The following ZCWPW2 variants were observed in gnomAD, a reference collection of about 807,000 sequenced individuals.
The protein encoded by ZCWPW2 is zinc finger CW-type and PWWP domain containing 2, also known as zinc finger CW-type PWWP domain protein 2.
In ZCWPW2, 45 loss-of-function variants were observed where a neutral mutation model predicts 46.6. That is an observed-to-expected ratio of 0.96 (90% CI 0.76 to 1.24). ZCWPW2 has a LOEUF of 1.24. Among genes scored for constraint, ZCWPW2 ranks in the 50% most tolerant of loss-of-function variants. The pLI is 0.00. For synonymous variants in ZCWPW2, 152 were observed against 137.1 expected, an observed-to-expected ratio of 1.11 and a Z score of -0.76; for missense variants, 429 against 403.9, an observed-to-expected ratio of 1.06 and a Z score of -0.53.
intron 9 of ZCWPW2, 24 bp downstream of exon 9, chr3:28,521,140 A>T: frequency 6.4e-7 from 1 of 1,574,604 alleles, no homozygotes; most frequent in Non-Finnish European, 8.6e-7. Context: ...TTATTTTCAG[A>T]CCTAAATAAC....
At chr3:28,465,983 A>C (rs1345241260) in intron 4 of ZCWPW2, among the ~76,000 whole-genome samples, 1 of 152,214 alleles carries the variant, frequency 6.6e-6, no homozygotes, top group Admixed American at 6.5e-5. Flanking sequence ...ACACTATGGA[A>C]TACTACGTAG....
chr3:28,432,321 C>T lies in ZCWPW2; in HGVS notation c.333-2789C>T, dbSNP rs145816903. Reference sequence around the variant, plus strand: ...CTGAACTATAACATGTGGGGGCATACGAAAGGTAGAGGGGTACAGGATTTG... The same window carrying T: ...CTGAACTATAACATGTGGGGGCATATGAAAGGTAGAGGGGTACAGGATTTG... On this transcript the variant is annotated intron_variant, in intron 3 of 9. Transcript: ENST00000383768. Among the ~76,000 whole-genome samples the T allele has an allele frequency of 2.0e-3, 306 of 152,178 alleles. 1 individual carries two copies. Among genetic ancestry groups the T allele is most frequent in the Admixed American group, 3.9e-3 (59 of 15,290 alleles).
intron 4 of ZCWPW2, among the ~76,000 whole-genome samples, chr3:28,459,041 G>T (rs1196156581): frequency 6.6e-6 from 1 of 152,064 alleles, no homozygotes; most frequent in Non-Finnish European, 1.5e-5. Flanking sequence ...TCCCAGGCTT[G>T]CTGGTCGTCA....
At position 28,525,382 on chromosome 3, in the gene ZCWPW2, T is replaced by C. The variant is rs1700822008; in HGVS notation, c.*694T>C. On this transcript the variant is annotated 3_prime_UTR_variant, in exon 10 of 10. Coordinates refer to ENST00000383768, the MANE Select transcript of ZCWPW2 (RefSeq NM_001040432.4). ...AGAGAGAAGTTAAACATATTGATTA[T>C]AAGAAATCTAACAATATAGAAAGTA... Among the ~76,000 whole-genome samples, 1 of 152,138 alleles carries C rather than the reference T, an allele frequency of 6.6e-6. No individual in the cohort carries two copies. Among genetic ancestry groups the C allele is most frequent in the South Asian group, 2.1e-4 (1 of 4,828 alleles).
intron 1 of ZCWPW2, among the ~76,000 whole-genome samples, chr3:28,366,856 C>A (rs1250160362): frequency 1.3e-5 from 2 of 152,138 alleles, no homozygotes; most frequent in African/African-American, 2.4e-5. Context: ...TCAACTTCTT[C>A]CTGATTTAGT....
intron 3 of ZCWPW2, among the ~76,000 whole-genome samples, chr3:28,424,228 AACACACACACAC>A (rs55725925): frequency 8.6e-5 from 12 of 138,956 alleles, no homozygotes; most frequent in South Asian, 6.9e-4. Flanking sequence ...GTCTTATTCC[AACACACACACAC>A]ACACACACAC....
intron 6 of ZCWPW2, among the ~76,000 whole-genome samples, chr3:28,495,672 CTTTG>C (rs933339648): frequency 1.3e-5 from 2 of 151,538 alleles, no homozygotes; most frequent in African/African-American, 4.8e-5. Context: ...TTTAATATGT[CTTTG>C]TTTTTTATTT....
intron 3 of ZCWPW2, among the ~76,000 whole-genome samples, chr3:28,413,698 A>T (rs1267996384): frequency 6.6e-6 from 1 of 152,018 alleles, no homozygotes; most frequent in East Asian, 1.9e-4. Flanking sequence ...ATTCATTTTG[A>T]AATATTTACT....
At chr3:28,452,844 A>G (rs78559487) in intron 4 of ZCWPW2, among the ~76,000 whole-genome samples, 2,351 of 152,292 alleles carry the variant, frequency 0.015, 66 homozygotes, top group African/African-American at 0.054. Flanking sequence ...AAGGTGGAGA[A>G]TAGTATCTTT....
chr3:28,460,964 T>C (rs1248458862), intron 4 of ZCWPW2: 1 of 257,070 alleles, frequency 3.9e-6, no homozygotes, highest in South Asian at 3.7e-5. Flanking sequence ...TTTTATTTCT[T>C]TAGATTATGA....
At position 28,444,288 on chromosome 3, in the gene ZCWPW2, G is replaced by T. The variant is rs549735668; in HGVS notation, c.492+9019G>T. Among the ~76,000 whole-genome samples the T allele has an allele frequency of 5.3e-5, 8 of 152,264 alleles. No individual in the cohort carries two copies. In the South Asian group the frequency reaches 1.7e-3, roughly 32 times the overall value. On this transcript the variant is annotated intron_variant, in intron 4 of 9. Coordinates refer to ENST00000383768, the MANE Select transcript of ZCWPW2 (RefSeq NM_001040432.4). ...CCTCTAGGGATCTACCAGGACTTTA[G>T]TCTAGTTATAGGTCTAGAAGATAAC...
rs551163772 is a variant in ZCWPW2, at chr3:28,354,743, C to T, written c.-134+5540C>T. ...TAATCCAGCATATAAACAGAACCAA[C>T]GACGAAAACCATATGATTATCTCAA... On this transcript the variant is annotated intron_variant, in intron 1 of 9. Transcript: ENST00000383768. Among the ~76,000 whole-genome samples the T allele has an allele frequency of 3.3e-3, 238 of 72,472 alleles. 1 individual carries two copies. Among genetic ancestry groups the T allele is most frequent in the African/African-American group, 0.011 (215 of 19,410 alleles). The allele number at this position is 72,472 out of a possible 152,430, so 47.5% of individuals were successfully genotyped here.
intron 1 of ZCWPW2, among the ~76,000 whole-genome samples, chr3:28,378,602 G>C (rs188863660): frequency 2.0e-4 from 31 of 152,162 alleles, no homozygotes; most frequent in African/African-American, 6.7e-4. Context: ...TGAAAATCTT[G>C]TAGGAAACGA....
At chr3:28,376,048 G>A (rs1207999624) in intron 1 of ZCWPW2, among the ~76,000 whole-genome samples, 2 of 151,956 alleles carry the variant, frequency 1.3e-5, no homozygotes, top group African/African-American at 4.8e-5. Context: ...ATCTATTGGT[G>A]GACAGTTAGG....
intron 3 of ZCWPW2, among the ~76,000 whole-genome samples, chr3:28,432,571 A>G (rs1196822592): frequency 6.6e-6 from 1 of 152,150 alleles, no homozygotes; most frequent in Non-Finnish European, 1.5e-5. Context: ...AGTAGGTCAG[A>G]GTGTAGAATG....
intron 2 of ZCWPW2, among the ~76,000 whole-genome samples, chr3:28,398,642 A>C (rs148021549): frequency 1.4e-4 from 21 of 152,266 alleles, no homozygotes; most frequent in Non-Finnish European, 1.5e-5. Flanking sequence ...GGGAAAGGGA[A>C]ATTGTCTGCC....
intron 6 of ZCWPW2, among the ~76,000 whole-genome samples, chr3:28,499,905 TGTA>T (rs1290071794): frequency 6.6e-6 from 1 of 152,150 alleles, no homozygotes; most frequent in Non-Finnish European, 1.5e-5. Context: ...TTAAATGTTT[TGTA>T]GTTCCTTTTC....
chr3:28,455,159 T>C (rs1287908528), intron 4 of ZCWPW2, among the ~76,000 whole-genome samples: 1 of 152,214 alleles, frequency 6.6e-6, no homozygotes, highest in African/African-American at 2.4e-5. Context: ...ATTTTTTGGC[T>C]TTTTAGTAAT....
At chr3:28,377,834 A>T (rs578103306) in intron 1 of ZCWPW2, among the ~76,000 whole-genome samples, 1 of 152,208 alleles carries the variant, frequency 6.6e-6, no homozygotes, top group African/African-American at 2.4e-5. Flanking sequence ...TAAAGCATAT[A>T]GCTTGATTAT....
Sources: allele counts gnomAD v4.1 joint callset (sites outside exome capture counted in the v4.1 genomes callset), GRCh38; gene constraint gnomAD v4.1.1; transcripts MANE v1.5; gene names NCBI Gene and HGNC (gene_info 2026-07-23, HGNC 2026-07-21).